Variants in DIAPH2 observed in about 807,000 individuals in gnomAD.
The protein encoded by DIAPH2 is protein diaphanous homolog 2.
Under a neutral mutation model 92.7 loss-of-function variants are expected in DIAPH2, and 35 were observed. The observed-to-expected ratio is 0.38, with a 90% confidence interval of 0.29 to 0.50. The LOEUF is 0.50. Ranked by LOEUF, DIAPH2 falls within the 20% of genes least tolerant of loss-of-function variation. DIAPH2 has a pLI of 0.94. For synonymous variants in DIAPH2, 301 were observed against 280.4 expected (o/e 1.07, Z -0.73); for missense variants, 701 against 819.5 (o/e 0.86, Z 1.77).
At chrX:97,448,035 GA>G (rs1483868033) in intron 26 of DIAPH2, among the ~76,000 whole-genome samples, 1 of 112,213 alleles carries the variant, frequency 8.9e-6, no homozygotes, top group Non-Finnish European at 1.9e-5. Context: ...TATTAGTTGA[GA>G]AAATTAGCTA....
intron 26 of DIAPH2, among the ~76,000 whole-genome samples, chrX:97,456,912 A>G (rs1421813825): frequency 2.7e-5 from 3 of 112,266 alleles, no homozygotes; most frequent in Non-Finnish European, 5.6e-5. Context: ...TAACGTAACC[A>G]AATACTATTA....
chrX:96,841,009 T>G (rs1489984127), intron 4 of DIAPH2, among the ~76,000 whole-genome samples: 1 of 111,868 alleles, frequency 8.9e-6, no homozygotes. Flanking sequence ...TTGATGCTAT[T>G]TCTCTTATTA....
At position 97,543,021 on chromosome X, in the gene DIAPH2, C is replaced by A. The variant is rs182049458; in HGVS notation, c.3242-56232C>A. Among the ~76,000 whole-genome samples the A allele has an allele frequency of 5.6e-3, 630 of 112,201 alleles. 2 individuals are homozygous for A. Among genetic ancestry groups the A allele is most frequent in the African/African-American group, 0.019 (597 of 30,943 alleles). On this transcript the variant is annotated intron_variant, in intron 26 of 26. Transcript: ENST00000324765. ...TTGTTGTAGAACAAACTACCCAAAACTTAATGGCTTAAAATCATTGTTCAC... is the reference window on the plus strand; with the variant it reads ...TTGTTGTAGAACAAACTACCCAAAAATTAATGGCTTAAAATCATTGTTCAC...
intron 3 of DIAPH2, among the ~76,000 whole-genome samples, chrX:96,753,915 AT>A (rs1438551614): frequency 1.8e-5 from 2 of 112,326 alleles, no homozygotes; most frequent in Non-Finnish European, 3.8e-5. Context: ...TGAATGGCCT[AT>A]TCGTGGCCTG....
intron 23 of DIAPH2, among the ~76,000 whole-genome samples, chrX:97,327,803 T>C (rs1402269843): frequency 8.9e-6 from 1 of 112,214 alleles, no homozygotes; most frequent in Admixed American, 9.5e-5. Context: ...CTCAAACTCC[T>C]GACCTCAGAT....
At chrX:97,226,584 A>C (rs768158155) in intron 22 of DIAPH2, among the ~76,000 whole-genome samples, 2 of 110,835 alleles carry the variant, frequency 1.8e-5, no homozygotes, top group African/African-American at 6.5e-5. Flanking sequence ...CATGTTGGCC[A>C]GGCTGGTCTT....
intron 26 of DIAPH2, among the ~76,000 whole-genome samples, chrX:97,491,666 G>C (rs2070726571): frequency 9.0e-6 from 1 of 111,644 alleles, no homozygotes; most frequent in African/African-American, 3.3e-5. Flanking sequence ...AAAGTGCTGG[G>C]ATTACAGGCG....
intron 23 of DIAPH2, among the ~76,000 whole-genome samples, chrX:97,308,388 G>C (rs774821768): frequency 9.0e-6 from 1 of 111,093 alleles, no homozygotes; most frequent in African/African-American, 3.3e-5. Context: ...CATTTGAAAT[G>C]GCAGAGCTGC....
intron 23 of DIAPH2, among the ~76,000 whole-genome samples, chrX:97,337,250 G>T (rs1355029628): frequency 9.1e-6 from 1 of 110,341 alleles, no homozygotes; most frequent in African/African-American, 3.3e-5. Context: ...ATATACTTCG[G>T]ATAGTACAAA....
At chrX:97,031,860 G>T (rs1051483441) in intron 17 of DIAPH2, among the ~76,000 whole-genome samples, 6 of 111,845 alleles carry the variant, frequency 5.4e-5, no homozygotes, top group Non-Finnish European at 1.1e-4. Flanking sequence ...TTCAAAGTCA[G>T]AATGGGAATT....
intron 4 of DIAPH2, among the ~76,000 whole-genome samples, chrX:96,797,292 C>A (rs2064547817): frequency 9.1e-6 from 1 of 110,446 alleles, no homozygotes; most frequent in African/African-American, 3.3e-5. Context: ...AGTAGCCTGA[C>A]TAATATGGTG....
At chrX:96,940,550 A>C (rs1167797404) in intron 12 of DIAPH2, among the ~76,000 whole-genome samples, 1 of 111,861 alleles carries the variant, frequency 8.9e-6, no homozygotes, top group Non-Finnish European at 1.9e-5. Context: ...TTAAATGGAA[A>C]AGGAAAGCTA....
intron 22 of DIAPH2, among the ~76,000 whole-genome samples, chrX:97,242,312 G>T (rs754316182): frequency 1.1e-4 from 12 of 110,869 alleles, no homozygotes; most frequent in Non-Finnish European, 2.1e-4. Flanking sequence ...AGGAACAGGA[G>T]ATGCTAAGGA....
intron 26 of DIAPH2, among the ~76,000 whole-genome samples, chrX:97,570,112 AT>A (rs2071357705): frequency 5.3e-4 from 17 of 31,849 alleles, no homozygotes; most frequent in African/African-American, 8.1e-4. Context: ...ATATATATAT[AT>A]ATATATATAT....
intron 24 of DIAPH2, among the ~76,000 whole-genome samples, chrX:97,349,060 G>GTGTATTTATA (rs1374641655): frequency 1.0e-3 from 101 of 97,067 alleles, no homozygotes; most frequent in African/African-American, 3.6e-3. Flanking sequence ...ATTTATATAT[G>GTGTATTTATA]TGTGTGTATA....
intron 26 of DIAPH2, among the ~76,000 whole-genome samples, chrX:97,557,596 A>G (rs771716509): frequency 8.9e-6 from 1 of 112,552 alleles, no homozygotes; most frequent in Admixed American, 9.4e-5. Context: ...TAATCCTTAA[A>G]GTAACAATAA....
At chrX:97,394,968 T>G (rs2069691513) in intron 25 of DIAPH2, among the ~76,000 whole-genome samples, 1 of 111,502 alleles carries the variant, frequency 9.0e-6, no homozygotes, top group Non-Finnish European at 1.9e-5. Context: ...GAACAACTCA[T>G]CTAACCTCTC....
At chrX:97,498,554 C>T (rs954205742) in intron 26 of DIAPH2, among the ~76,000 whole-genome samples, 2 of 111,539 alleles carry the variant, frequency 1.8e-5, no homozygotes, top group Non-Finnish European at 3.8e-5. Flanking sequence ...TAGCAGGAGA[C>T]TCTAAGGTAT....
intron 22 of DIAPH2, among the ~76,000 whole-genome samples, chrX:97,231,241 C>CTTT (rs5903071): frequency 0.017 from 1,423 of 83,322 alleles, 41 homozygotes; most frequent in African/African-American, 0.06. Context: ...TTCTTTCAGG[C>CTTT]TTTTTTTTTT....
Sources: allele counts gnomAD v4.1 joint callset (sites outside exome capture counted in the v4.1 genomes callset), GRCh38; gene constraint gnomAD v4.1.1; transcripts MANE v1.5; gene names NCBI Gene and HGNC (gene_info 2026-07-23, HGNC 2026-07-21).